Variants in CCDC88C observed in about 807,000 individuals in gnomAD.
The protein encoded by CCDC88C is coiled-coil and HOOK domain protein 88C, also known as protein Daple.
CCDC88C carries 131 observed loss-of-function variants against 198.8 expected under a neutral mutation model. The observed-to-expected ratio is 0.66, with a 90% confidence interval of 0.57 to 0.76. The LOEUF is 0.76. Among genes scored for constraint, CCDC88C ranks in the 30% least tolerant of loss-of-function variants. The probability of loss-of-function intolerance (pLI) is 0.00; values close to 1 mark genes in which losing one functional copy is unlikely to be tolerated. For synonymous variants in CCDC88C, 1,166 were observed against 1,114.7 expected (o/e 1.05, Z -0.92); for missense variants, 2,553 against 2,631.6 (o/e 0.97, Z 0.65).
chr14:91,359,142 C>A (rs377162441), intron 4 of CCDC88C, among the ~76,000 whole-genome samples: 4 of 144,192 alleles, frequency 2.8e-5, no homozygotes, highest in African/African-American at 1.0e-4. Context: ...CACATCTGAG[C>A]GGTTGGGAGG....
chr14:91,397,232 C>T (rs991854113), intron 3 of CCDC88C, among the ~76,000 whole-genome samples: 1 of 151,944 alleles, frequency 6.6e-6, no homozygotes, highest in Non-Finnish European at 1.5e-5. Context: ...CGGTGCTGTG[C>T]CCAACAGGCC....
intron 28 of CCDC88C, among the ~76,000 whole-genome samples, chr14:91,278,913 T>TTTC: frequency 7.1e-6 from 1 of 141,654 alleles, no homozygotes; most frequent in Admixed American, 7.0e-5. Context: ...TTTTTTTTTT[T>TTTC]TTTCTGAGAT....
chr14:91,412,116 C>T (rs1384620310), intron 2 of CCDC88C, among the ~76,000 whole-genome samples: 1 of 151,872 alleles, frequency 6.6e-6, no homozygotes, highest in Non-Finnish European at 1.5e-5. Context: ...AAATTTAAAG[C>T]TAAATCAAGA....
chr14:91,378,976 C>A (rs539428509), intron 3 of CCDC88C: 7 of 152,344 alleles, frequency 4.6e-5, no homozygotes, highest in Admixed American at 3.3e-4. Context: ...GCAGAAGTTA[C>A]TCCGGGATAC....
chr14:91,375,259 CTG>C (rs763871977), intron 3 of CCDC88C, among the ~76,000 whole-genome samples: 15 of 151,696 alleles, frequency 9.9e-5, no homozygotes, highest in South Asian at 4.2e-4. Context: ...GCGCGCGTGT[CTG>C]TGTGTGTGTG....
In CCDC88C at chr14:91,338,143, G is replaced by A. The variant is rs61736349; in HGVS notation, c.912C>T (p.Asp304=). 6.1e-3 allele frequency: 9,824 copies of A among 1,613,808 alleles called. 47 individuals are homozygous for A. Among genetic ancestry groups the A allele is most frequent in the Non-Finnish European group, 7.5e-3 (8,875 of 1,179,844 alleles). ...CTCGATAGGCACGAGCAGACCGGGC[G>A]TCTGCCGCTAGCTGGATGTTCTGCA... The part of the protein sequence containing the change: ...VKQENIQLAA[D]ARSARAYRDE... Residue 304 remains aspartate (D), a synonymous_variant, in exon 10 of 30, where the codon GAC becomes GAT. Transcript: ENST00000389857. The surrounding 1 kb of genome is among the most constrained non-coding windows in gnomAD (Gnocchi z 4.8).
At chr14:91,345,438 G>A (rs896034223) in intron 4 of CCDC88C, among the ~76,000 whole-genome samples, 2 of 150,888 alleles carry the variant, frequency 1.3e-5, no homozygotes, top group African/African-American at 2.4e-5. Context: ...TGATCTGCTC[G>A]CCTCGGCCTC....
At chr14:91,315,583 T>C (rs1227181304) in intron 14 of CCDC88C, 67 bp downstream of exon 14, 2 of 1,570,716 alleles carry the variant, frequency 1.3e-6, no homozygotes, top group Non-Finnish European at 1.7e-6. Context: ...CAGGAATGGC[T>C]GTAATCCCGG....
chr14:91,358,233 C>T (rs1213582144), intron 4 of CCDC88C, among the ~76,000 whole-genome samples: 2 of 152,242 alleles, frequency 1.3e-5, no homozygotes, highest in Admixed American at 1.3e-4. Context: ...CTCAAGGCCA[C>T]TAGCTACTGT....
At chr14:91,283,260 G>C (rs905344036) in intron 26 of CCDC88C, 69 bp downstream of exon 26, 1 of 1,487,048 alleles carries the variant, frequency 6.7e-7, no homozygotes. Flanking sequence ...TCTGATTTCC[G>C]AGAGCCTGGG....
chr14:91,363,826 G>T (rs1005514079), intron 3 of CCDC88C, among the ~76,000 whole-genome samples: 3 of 152,272 alleles, frequency 2.0e-5, no homozygotes, highest in African/African-American at 7.2e-5. Flanking sequence ...ATGTGGTGGG[G>T]TGAGGGGCCT....
intron 10 of CCDC88C, among the ~76,000 whole-genome samples, chr14:91,332,778 C>T (rs982621671): frequency 4.6e-5 from 7 of 152,318 alleles, no homozygotes; most frequent in African/African-American, 9.6e-5. Context: ...TCCCTCCTCC[C>T]GAGACTGCAA....
At chr14:91,335,110 G>A (rs1302348348) in intron 10 of CCDC88C, among the ~76,000 whole-genome samples, 1 of 152,136 alleles carries the variant, frequency 6.6e-6, no homozygotes, top group African/African-American at 2.4e-5. Flanking sequence ...GGCCAGAACT[G>A]CTCTACATGC....
intron 12 of CCDC88C, among the ~76,000 whole-genome samples, chr14:91,324,275 G>A (rs1453155131): frequency 5.9e-5 from 9 of 152,230 alleles, no homozygotes; most frequent in African/African-American, 2.2e-4. Flanking sequence ...GCCTGGCAGA[G>A]GCGCTAAGAA....
rs1890822002 is a variant in CCDC88C, at chr14:91,293,499, CCT to C, written c.4112+672_4112+673del. Among the ~76,000 whole-genome samples, 3 of 144,518 alleles carry C rather than the reference CCT, an allele frequency of 2.1e-5. No homozygotes were observed. The East Asian group carries it at 6.3e-4, about 30-fold the overall frequency. 94.8% of individuals were successfully genotyped at this position (144,518 alleles called of 152,430 possible). On this transcript the variant is annotated intron_variant, in intron 23 of 29. Coordinates refer to ENST00000389857, the MANE Select transcript of CCDC88C (RefSeq NM_001080414.4). The stretch of plus-strand genomic sequence containing the variant: ...GCCACAGCTCACCTTCCCATCCTCA[CCT>C]GCCACGGCCTACCTTCCTGTCCCCT...
At chr14:91,407,251 T>C (rs1165738684) in intron 3 of CCDC88C, among the ~76,000 whole-genome samples, 2 of 152,172 alleles carry the variant, frequency 1.3e-5, no homozygotes, top group African/African-American at 4.8e-5. Context: ...ACAGCACACA[T>C]TCTGCCTGGC....
rs895556870 is a variant in CCDC88C, at chr14:91,339,514, A to T, written c.625-52T>A. 4 of 1,524,360 alleles carry T rather than the reference A, an allele frequency of 2.6e-6. No homozygotes were observed. Among genetic ancestry groups the T allele is most frequent in the Non-Finnish European group, 2.7e-6 (3 of 1,121,586 alleles). The allele number at this position is 1,524,360 out of a possible 1,614,324, so 94.4% of individuals were successfully genotyped here. A position where few individuals can be genotyped will look rare whatever the true frequency, so the allele number is the denominator to read the frequency against. On this transcript the variant is annotated intron_variant, in intron 7 of 29. Coordinates refer to ENST00000389857, the MANE Select transcript of CCDC88C (RefSeq NM_001080414.4). The surrounding 1 kb of genome is among the most constrained non-coding windows in gnomAD (Gnocchi z 5.8). ...AGGAGAACAAACGGGGTTAACCAGC[A>T]CAACGCCTGAGCTTGAACAGGGTGA...
chr14:91,323,813 C>T (rs778649430), intron 12 of CCDC88C, among the ~76,000 whole-genome samples: 5 of 152,222 alleles, frequency 3.3e-5, no homozygotes, highest in Non-Finnish European at 7.3e-5. Flanking sequence ...TTGGGGGAAC[C>T]CCCTTGTGCA....
chr14:91,416,135 G>GAGTAACCGCC (rs1383232249), intron 2 of CCDC88C, among the ~76,000 whole-genome samples: 3 of 152,182 alleles, frequency 2.0e-5, no homozygotes, highest in African/African-American at 7.2e-5. Context: ...TCGCTGGCAA[G>GAGTAACCGCC]AGTAACTTCT....
Sources: gnomAD v4.1 joint callset for allele counts (sites outside exome capture counted in the v4.1 genomes callset) on GRCh38, gnomAD v4.1.1 for gene constraint, Gnocchi (gnomAD v3.1) non-coding constraint, MANE v1.5 for transcripts, NCBI Gene and HGNC (gene_info 2026-07-23, HGNC 2026-07-21) for gene names.